Variants in CNTN5 observed in about 807,000 individuals in gnomAD.
The protein encoded by CNTN5 is contactin-5.
CNTN5 carries 77 observed loss-of-function variants against 129.1 expected under a neutral mutation model. That is an observed-to-expected ratio of 0.60 (90% confidence interval 0.50 to 0.72). The LOEUF (loss-of-function observed/expected upper bound fraction) is 0.72. Among genes scored for constraint, CNTN5 ranks in the 30% least tolerant of loss-of-function variants. CNTN5 has a pLI of 0.00. For synonymous variants in CNTN5, 509 were observed against 465.6 expected, an observed-to-expected ratio of 1.09 and a Z score of -1.20; for missense variants, 1,478 against 1,328.8, an observed-to-expected ratio of 1.11 and a Z score of -1.75.
chr11:99,990,455 T>TATACAC lies in CNTN5; in HGVS notation c.878-11578_878-11577insTACACA, dbSNP rs560732478. Among the ~76,000 whole-genome samples the TATACAC allele has an allele frequency of 7.8e-4, 113 of 145,178 alleles. No individual in the cohort carries two copies. In the South Asian group the frequency reaches 0.012, roughly 15 times the overall value. ...CCCTTATTTTTAGAATATATATATA[T>TATACAC]ACACACACACACACACACACACACA... is the stretch of plus-strand genomic sequence containing the variant. On this transcript the variant is annotated intron_variant, in intron 8 of 24. Transcript: ENST00000524871.
At chr11:99,544,536 GTAAT>G (rs1277209568) in intron 2 of CNTN5, among the ~76,000 whole-genome samples, 5 of 152,154 alleles carry the variant, frequency 3.3e-5, no homozygotes, top group Non-Finnish European at 7.4e-5. Flanking sequence ...TTCTTTTTGA[GTAAT>G]TATTTTAAAT....
At chr11:99,293,632 A>G (rs1278099336) in intron 1 of CNTN5, among the ~76,000 whole-genome samples, 1 of 152,008 alleles carries the variant, frequency 6.6e-6, no homozygotes, top group Non-Finnish European at 1.5e-5. Context: ...CTATTTTGTC[A>G]TGGTTTAATA....
chr11:99,731,149 C>G (rs1438498335), intron 3 of CNTN5, among the ~76,000 whole-genome samples: 1 of 151,790 alleles, frequency 6.6e-6, no homozygotes, highest in Non-Finnish European at 1.5e-5. Context: ...TGCTCTGTCG[C>G]CCAGGCTGGA....
rs762260213 is a variant in CNTN5 at position 99,533,147 on chromosome 11, C to T, written c.-70-22998C>T. Among the ~76,000 whole-genome samples the T allele has an allele frequency of 5.3e-4, 80 of 152,148 alleles. 1 individual carries two copies. Among genetic ancestry groups the T allele is most frequent in the Non-Finnish European group, 1.6e-4 (11 of 68,038 alleles). On this transcript the variant is annotated intron_variant, in intron 2 of 24. Coordinates refer to ENST00000524871, the MANE Select transcript of CNTN5 (RefSeq NM_014361.4). The stretch of plus-strand genomic sequence containing the variant: ...CTGAGGCCAGAGAATCACTTGAACC[C>T]GGGAGAAGGAGGTTGCAGTGAGCCA...
chr11:100,073,264 C>T (rs1440569622), intron 12 of CNTN5, among the ~76,000 whole-genome samples: 3 of 151,994 alleles, frequency 2.0e-5, no homozygotes, highest in Non-Finnish European at 4.4e-5. Flanking sequence ...CCAGGCTTGT[C>T]TTGTACTCCT....
intron 3 of CNTN5, among the ~76,000 whole-genome samples, chr11:99,602,202 A>G (rs1448023722): frequency 6.6e-6 from 1 of 152,092 alleles, no homozygotes; most frequent in East Asian, 1.9e-4. Flanking sequence ...ACGAATATAT[A>G]TTATGTATAC....
intron 1 of CNTN5, among the ~76,000 whole-genome samples, chr11:99,145,110 C>A (rs1859711520): frequency 6.6e-6 from 1 of 152,116 alleles, no homozygotes; most frequent in Non-Finnish European, 1.5e-5. Context: ...TGCTCTTTCA[C>A]CCAGGCTGGA....
At chr11:99,832,581 C>A (rs1565582755) in intron 4 of CNTN5, among the ~76,000 whole-genome samples, 1 of 152,172 alleles carries the variant, frequency 6.6e-6, no homozygotes. Flanking sequence ...TCATAAACTT[C>A]ATTTCAATGT....
intron 1 of CNTN5, among the ~76,000 whole-genome samples, chr11:99,086,480 GA>G (rs1866010781): frequency 6.6e-6 from 1 of 152,164 alleles, no homozygotes; most frequent in Non-Finnish European, 1.5e-5. Context: ...GGGCCAGTGA[GA>G]GCAGGATCAA....
intron 2 of CNTN5, among the ~76,000 whole-genome samples, chr11:99,348,799 A>G (rs999338548): frequency 5.3e-5 from 8 of 151,944 alleles, no homozygotes; most frequent in African/African-American, 1.7e-4. Context: ...GCTTTGGAAG[A>G]CTCCTTGGTG....
At chr11:100,300,340 T>G (rs1312853905) in intron 20 of CNTN5, among the ~76,000 whole-genome samples, 3 of 151,460 alleles carry the variant, frequency 2.0e-5, no homozygotes, top group Non-Finnish European at 4.4e-5. Flanking sequence ...GGATTTCAGT[T>G]AACCTTACAA....
At chr11:100,289,840 T>C in intron 18 of CNTN5, among the ~76,000 whole-genome samples, 3 of 148,208 alleles carry the variant, frequency 2.0e-5, no homozygotes, top group Non-Finnish European at 3.0e-5. Flanking sequence ...GCAGATGACA[T>C]GATTGTATAT....
At chr11:99,815,499 A>C (rs1946558147) in intron 3 of CNTN5, among the ~76,000 whole-genome samples, 1 of 152,168 alleles carries the variant, frequency 6.6e-6, no homozygotes, top group Admixed American at 6.5e-5. Context: ...CACTAAGACC[A>C]TACGACTGAT....
chr11:99,482,614 C>A (rs1183757693), intron 2 of CNTN5, among the ~76,000 whole-genome samples: 1 of 152,002 alleles, frequency 6.6e-6, no homozygotes, highest in Admixed American at 6.6e-5. Flanking sequence ...CAATTGTTTT[C>A]TTGAAATAAA....
At chr11:99,385,650 C>G (rs1472096818) in intron 2 of CNTN5, among the ~76,000 whole-genome samples, 1 of 152,102 alleles carries the variant, frequency 6.6e-6, no homozygotes, top group East Asian at 1.9e-4. Context: ...TCATTTGAGG[C>G]TCTTTTTGTT....
intron 6 of CNTN5, among the ~76,000 whole-genome samples, chr11:99,874,218 G>C (rs1948577565): frequency 6.6e-6 from 1 of 152,178 alleles, no homozygotes; most frequent in African/African-American, 2.4e-5. Context: ...AAATAAAAAA[G>C]ATATGTCTGT....
rs531656452 is a variant in CNTN5 at position 99,379,593 on chromosome 11, C to T, written c.-71+54109C>T. ...CCGTATTACTAACTTCCAGCATGAG[C>T]TATTTTTAAAGTTTTAATAAACTGA... is the stretch of plus-strand genomic sequence containing the variant. On this transcript the variant is annotated intron_variant, in intron 2 of 24. Transcript: ENST00000524871. Among the ~76,000 whole-genome samples, 126 of 152,222 alleles carry T rather than the reference C, an allele frequency of 8.3e-4. 1 individual carries two copies. The highest frequency in any genetic ancestry group is 2.9e-3 in the African/African-American group (121 of 41,536).
Position 100,283,334 on chromosome 11 carries a change from T to C in CNTN5, c.2314+12093T>C, listed in dbSNP as rs183487510. Among the ~76,000 whole-genome samples, 25 of 152,202 alleles carry C rather than the reference T, an allele frequency of 1.6e-4. No homozygotes were observed. The East Asian group carries it at 4.8e-3, about 30-fold the overall frequency. Reference sequence around the variant, plus strand: ...AAAAGTTCTCCCCACTCTTCCTCCTTCTCTCCTAAAGTGGGAGGAAGGTAT... The same window carrying C: ...AAAAGTTCTCCCCACTCTTCCTCCTCCTCTCCTAAAGTGGGAGGAAGGTAT... On this transcript the variant is annotated intron_variant, in intron 18 of 24. Transcript: ENST00000524871.
chr11:99,332,334 G>T (rs1234609442), intron 2 of CNTN5, among the ~76,000 whole-genome samples: 1 of 151,744 alleles, frequency 6.6e-6, no homozygotes, highest in African/African-American at 2.4e-5. Flanking sequence ...AAAGAAACAT[G>T]CTGCATAATA....
Sources: gnomAD v4.1 joint callset for allele counts (sites outside exome capture counted in the v4.1 genomes callset) on GRCh38, gnomAD v4.1.1 for gene constraint, MANE v1.5 for transcripts, NCBI Gene and HGNC (gene_info 2026-07-23, HGNC 2026-07-21) for gene names.